Variants in COL13A1 observed in about 807,000 individuals in gnomAD.
COL13A1 encodes collagen alpha-1(XIII) chain.
A neutral mutation model predicts 130.9 loss-of-function variants in COL13A1; 89 were observed. The ratio of observed to expected loss-of-function variants is 0.68; its 90% CI spans 0.57 to 0.81. The LOEUF (loss-of-function observed/expected upper bound fraction) is 0.81. Among genes scored for constraint, COL13A1 ranks in the 30% least tolerant of loss-of-function variants. COL13A1 has a pLI of 0.00. For missense variants in COL13A1, 879 were observed against 934.6 expected (o/e 0.94, Z 0.78); for synonymous variants, 402 against 341.6 (o/e 1.18, Z -1.95).
At chr10:69,888,401 T>C (rs1176443720) in intron 9 of COL13A1, 71 bp downstream of exon 9, 3 of 1,563,362 alleles carry the variant, frequency 1.9e-6, no homozygotes, top group Non-Finnish European at 2.6e-6. Context: ...CTGCAAGATA[T>C]TGAATCCTTG....
chr10:69,939,044 T>C (rs2067290376), intron 34 of COL13A1, among the ~76,000 whole-genome samples: 3 of 152,316 alleles, frequency 2.0e-5, no homozygotes, highest in African/African-American at 7.2e-5. Flanking sequence ...AAGTGCCAGA[T>C]GAAAGACAAA....
In COL13A1 at chr10:69,804,809, C is replaced by CAA. The variant is rs57098368; in HGVS notation, c.294+2124_294+2125dup. On this transcript the variant is annotated intron_variant, in intron 1 of 40. Coordinates refer to ENST00000645393, the MANE Select transcript of COL13A1 (RefSeq NM_001368882.1). The stretch of plus-strand genomic sequence containing the variant: ...AAATGGGCAGTGACCATGTCGTGTG[C>CAA]AAAAAAAAAAAAAAAAAAAAAAAAA... 2.7e-3 allele frequency among the ~76,000 whole-genome samples: 204 copies of CAA among 75,370 alleles called. 12 individuals carry two copies. The highest frequency in any genetic ancestry group is 7.3e-3 in the African/African-American group (131 of 17,892). The allele number at this position is 75,370 out of a possible 152,430, so 49.4% of individuals were successfully genotyped here. A position where few individuals can be genotyped will look rare whatever the true frequency, so the allele number is the denominator to read the frequency against.
Position 69,822,087 on chromosome 10 carries a change from G to C in COL13A1, c.295-282G>C, listed in dbSNP as rs182316231. ...TTGTGCACATGAGCATGAGGTGCAG[G>C]AAGATGCAACTGGTTTATAGGATCC... On this transcript the variant is annotated intron_variant, in intron 1 of 40. Coordinates refer to ENST00000645393, the MANE Select transcript of COL13A1 (RefSeq NM_001368882.1). 4.8e-3 allele frequency among the ~76,000 whole-genome samples: 735 copies of C among 152,320 alleles called. 10 individuals are homozygous for C. The highest frequency in any genetic ancestry group is 0.017 in the African/African-American group (706 of 41,570).
intron 2 of COL13A1, chr10:69,860,812 G>A: frequency 5.1e-6 from 1 of 196,036 alleles, no homozygotes; most frequent in Non-Finnish European, 1.1e-5. Flanking sequence ...GATGGTAAGG[G>A]GATCTCCTGT....
intron 2 of COL13A1, chr10:69,829,164 G>A (rs572111552): frequency 4.4e-5 from 39 of 891,918 alleles, no homozygotes; most frequent in African/African-American, 1.1e-4. Context: ...CTCACACCCC[G>A]TCAATCACCA....
intron 7 of COL13A1, among the ~76,000 whole-genome samples, chr10:69,887,134 C>A (rs2060667820): frequency 1.3e-5 from 2 of 152,204 alleles, no homozygotes; most frequent in East Asian, 3.9e-4. Context: ...CTCCGCTGGC[C>A]CCACTGTCCC....
chr10:69,932,463 G>T, intron 30 of COL13A1, 97 bp from the exon 31 acceptor site: 1 of 836,694 alleles, frequency 1.2e-6, no homozygotes, highest in East Asian at 2.6e-5. Flanking sequence ...CCCTAGACCA[G>T]TCACGTCCCA....
At chr10:69,815,887 C>A (rs1483671477) in intron 1 of COL13A1, among the ~76,000 whole-genome samples, 5 of 148,718 alleles carry the variant, frequency 3.4e-5, no homozygotes, top group African/African-American at 5.0e-5. Flanking sequence ...GAAAAATAAG[C>A]AAAAAAAAAA....
chr10:69,903,582 C>A (rs141667571), intron 15 of COL13A1, among the ~76,000 whole-genome samples: 1 of 152,226 alleles, frequency 6.6e-6, no homozygotes, highest in Non-Finnish European at 1.5e-5. Context: ...TCAGAGAAAA[C>A]GGGTCTTCCA....
At position 69,941,000 on chromosome 10, in the gene COL13A1, T is replaced by C; in HGVS notation, c.1891T>C (p.Leu631=). The C allele has an allele frequency of 6.2e-7, 1 of 1,613,938 alleles. No individual in the cohort carries two copies. The highest frequency in any genetic ancestry group is 2.2e-5 in the East Asian group (1 of 44,866). The stretch of plus-strand genomic sequence containing the variant: ...GCCCTTCGTCCAGGGAGCTTCAGGT[T>C]TGGACGGCAGGCCTGGGCCACCGGT... ...GPLGLPGASG[L]DGRPGPPGTP... is the part of the protein sequence containing the mutation. Residue 631 remains leucine, a synonymous_variant, in exon 35 of 41, where the codon TTG becomes CTG. Coordinates refer to ENST00000645393, the MANE Select transcript of COL13A1 (RefSeq NM_001368882.1).
intron 1 of COL13A1, among the ~76,000 whole-genome samples, chr10:69,810,885 G>A (rs1173249319): frequency 6.6e-6 from 1 of 152,260 alleles, no homozygotes; most frequent in Non-Finnish European, 1.5e-5. Flanking sequence ...TGGCGGAAGG[G>A]GTGGGCCTGC....
intron 17 of COL13A1, among the ~76,000 whole-genome samples, chr10:69,907,288 T>C (rs1423486109): frequency 3.3e-5 from 5 of 152,188 alleles, no homozygotes; most frequent in Admixed American, 3.3e-4. Flanking sequence ...ATTTAAAAAA[T>C]GAGAAAACTG....
At chr10:69,955,779 A>AATTT in intron 39 of COL13A1, 1 of 152,278 alleles carries the variant, frequency 6.6e-6, no homozygotes, top group South Asian at 2.1e-4. Context: ...CTTCCATAAC[A>AATTT]TCCCATATCA....
chr10:69,949,930 T>TTGTGTGTGTG (rs375171960), intron 38 of COL13A1, among the ~76,000 whole-genome samples: 1 of 86,864 alleles, frequency 1.2e-5, no homozygotes, highest in Admixed American at 1.2e-4. Flanking sequence ...GCACGCATGT[T>TTGTGTGTGTG]TGTGTGTGTG....
chr10:69,929,962 G>A, intron 28 of COL13A1, 81 bp from the exon 29 acceptor site: 2 of 1,154,960 alleles, frequency 1.7e-6, no homozygotes, highest in South Asian at 1.3e-5. Context: ...GGAGTGGGAT[G>A]CCGGGTGCAC....
chr10:69,869,083 T>A (rs1024812851), intron 3 of COL13A1, among the ~76,000 whole-genome samples: 2 of 152,204 alleles, frequency 1.3e-5, no homozygotes, highest in Non-Finnish European at 2.9e-5. Flanking sequence ...AGGGCCAGGA[T>A]GCCAGGACAG....
intron 7 of COL13A1, among the ~76,000 whole-genome samples, chr10:69,880,764 C>G (rs1159547918): frequency 5.9e-5 from 9 of 152,230 alleles, no homozygotes; most frequent in Non-Finnish European, 8.8e-5. Context: ...ATTACAGTCC[C>G]TTGGGAGGGT....
At chr10:69,869,167 G>A (rs990846492) in intron 3 of COL13A1, among the ~76,000 whole-genome samples, 2 of 152,190 alleles carry the variant, frequency 1.3e-5, no homozygotes, top group South Asian at 2.1e-4. Flanking sequence ...GTGCTGGCCC[G>A]ACCCAGGGAC....
In COL13A1 at chr10:69,932,623, G is replaced by T; in HGVS notation, c.1728+19G>T. On this transcript the variant is annotated intron_variant, in intron 31 of 40. Coordinates refer to ENST00000645393, the MANE Select transcript of COL13A1 (RefSeq NM_001368882.1). ...AGCAGAGGTACATGAGAGATAATTT[G>T]ACAGAGACTCATCAAGCGACAGTCT... 6.4e-7 allele frequency: 1 copy of T among 1,560,176 alleles called. No individual in the cohort carries two copies. Among genetic ancestry groups the T allele is most frequent in the South Asian group, 1.1e-5 (1 of 89,454 alleles).
Sources: allele counts gnomAD v4.1 joint callset (sites outside exome capture counted in the v4.1 genomes callset), GRCh38; gene constraint gnomAD v4.1.1; transcripts MANE v1.5; gene names NCBI Gene and HGNC (gene_info 2026-07-23, HGNC 2026-07-21).